Variants in CABYR observed in about 807,000 individuals in gnomAD.
CABYR encodes the protein calcium binding tyrosine phosphorylation regulated, also known as calcium-binding tyrosine phosphorylation-regulated protein.
In CABYR, 31 loss-of-function variants were observed where a neutral mutation model predicts 36.1. The ratio of observed to expected loss-of-function variants is 0.86; its 90% confidence interval spans 0.64 to 1.16. The LOEUF is 1.16. Ranked by LOEUF, CABYR falls within the 50% of genes most tolerant of loss-of-function variation. The probability of loss-of-function intolerance (pLI) is 0.00; values close to 1 mark genes in which losing one functional copy is unlikely to be tolerated. For synonymous variants in CABYR, 146 were observed against 160.7 expected, an observed-to-expected ratio of 0.91 and a Z score of 0.69; for missense variants, 429 against 455.8, an observed-to-expected ratio of 0.94 and a Z score of 0.53.
intron 1 of CABYR, among the ~76,000 whole-genome samples, chr18:24,142,850 G>T (rs1237456294): frequency 6.6e-6 from 1 of 151,828 alleles, no homozygotes; most frequent in Admixed American, 6.6e-5. Flanking sequence ...GGCTAACACG[G>T]TGAAACCCTG....
At chr18:24,156,488 A>T in intron 4 of CABYR, 1 of 1,613,804 alleles carries the variant, frequency 6.2e-7, no homozygotes, top group Middle Eastern at 1.7e-4. Context: ...GTCTTAAAGA[A>T]AATGAGCAGT....
At position 24,156,228 on chromosome 18, in the gene CABYR, G is replaced by A; in HGVS notation, c.541+186G>A. On this transcript the variant is annotated intron_variant, in intron 4 of 5. Transcript: ENST00000399496. ...GGTTGTGAACCAAACATCTGTCCAT[G>A]TAGATTTGGGTTCTCAACCTAAAGA... The A allele has an allele frequency of 6.2e-7, 1 of 1,614,124 alleles. No homozygotes were observed. The highest frequency in any genetic ancestry group is 8.5e-7 in the Non-Finnish European group (1 of 1,179,996).
intron 3 of CABYR, among the ~76,000 whole-genome samples, chr18:24,151,766 T>C (rs1159155363): frequency 6.7e-6 from 1 of 149,144 alleles, no homozygotes; most frequent in African/African-American, 2.5e-5. Context: ...CTCAGCTCAC[T>C]GCAACCTCTA....
intron 3 of CABYR, among the ~76,000 whole-genome samples, chr18:24,149,877 C>G (rs1220788003): frequency 6.6e-6 from 1 of 152,236 alleles, no homozygotes; most frequent in Non-Finnish European, 1.5e-5. Context: ...CATGCCCACT[C>G]GGAACTCCAG....
chr18:24,156,128 G>A (rs1175127512), intron 4 of CABYR, 86 bp downstream of exon 4: 2 of 1,614,078 alleles, frequency 1.2e-6, no homozygotes, highest in Admixed American at 1.7e-5. Context: ...TCAAGGAGGT[G>A]CCAAGCTCAG....
At chr18:24,161,093 G>C (rs888075524) in intron 5 of CABYR, among the ~76,000 whole-genome samples, 1 of 152,186 alleles carries the variant, frequency 6.6e-6, no homozygotes, top group African/African-American at 2.4e-5. Context: ...TAGCAGTAAG[G>C]GGGAGGTCAA....
At chr18:24,158,504 G>A (rs1442809834) in intron 4 of CABYR, among the ~76,000 whole-genome samples, 1 of 152,024 alleles carries the variant, frequency 6.6e-6, no homozygotes, top group Non-Finnish European at 1.5e-5. Context: ...TTTTAGTAGA[G>A]ATGGAGTTTC....
rs866105933 is a variant in CABYR at position 24,142,849 on chromosome 18, G to A, written c.-24-242G>A. Among the ~76,000 whole-genome samples, 5 of 151,842 alleles carry A rather than the reference G, an allele frequency of 3.3e-5. No individual in the cohort carries two copies. The South Asian group carries it at 6.2e-4, about 19-fold the overall frequency. The stretch of plus-strand genomic sequence containing the variant: ...AGATCGAGACCATCCTGGCTAACAC[G>A]GTGAAACCCTGGCTCTACTAAAAAA... On this transcript the variant is annotated intron_variant, in intron 1 of 5. Transcript: ENST00000399496.
chr18:24,149,331 T>A (rs977773625), intron 3 of CABYR, among the ~76,000 whole-genome samples: 2 of 151,960 alleles, frequency 1.3e-5, no homozygotes, highest in African/African-American at 4.8e-5. Context: ...AGAGTGTTGA[T>A]TGGTGCATTC....
At chr18:24,139,783 C>T (rs1568454236) in intron 1 of CABYR, 1 of 152,214 alleles carries the variant, frequency 6.6e-6, no homozygotes, top group South Asian at 2.1e-4. Context: ...TGGCCCCACA[C>T]GTTCCCAAAG....
chr18:24,144,464 A>G (rs2085409678), intron 3 of CABYR, among the ~76,000 whole-genome samples: 1 of 152,232 alleles, frequency 6.6e-6, no homozygotes, highest in Non-Finnish European at 1.5e-5. Context: ...CAGCGATGTC[A>G]GAGACCAACA....
At chr18:24,149,397 A>G (rs999177414) in intron 3 of CABYR, among the ~76,000 whole-genome samples, 2 of 152,100 alleles carry the variant, frequency 1.3e-5, no homozygotes, top group African/African-American at 4.8e-5. Flanking sequence ...CTTGAGCTAG[A>G]TAGAGAGTGC....
intron 3 of CABYR, among the ~76,000 whole-genome samples, chr18:24,150,342 C>G (rs1302036692): frequency 6.6e-6 from 1 of 152,186 alleles, no homozygotes; most frequent in Non-Finnish European, 1.5e-5. Context: ...TTTTGCTTTC[C>G]ACCTCCTACA....
Position 24,156,522 on chromosome 18 carries a change from C to T in CABYR, c.541+480C>T, listed in dbSNP as rs35554127. ...GTCAAAAGAAAATGAGCAGTCACCA[C>T]GAGTTAGTCCCAAATCTGTAGTAGA... On this transcript the variant is annotated intron_variant, in intron 4 of 5. Coordinates refer to ENST00000399496, the MANE Select transcript of CABYR (RefSeq NM_153769.3). 3,837 of 1,614,048 alleles carry T rather than the reference C, an allele frequency of 2.4e-3. 82 individuals are homozygous for T. In the African/African-American group the frequency reaches 0.046, roughly 19 times the overall value.
Position 24,159,578 on chromosome 18 carries a change from A to G in CABYR, c.648A>G (p.Ala216=), listed in dbSNP as rs886697708. 1.9e-6 allele frequency: 3 copies of G among 1,614,090 alleles called. No homozygotes were observed. The highest frequency in any genetic ancestry group is 1.3e-5 in the African/African-American group (1 of 75,002). The stretch of plus-strand genomic sequence containing the variant: ...AAGGTCACCCATCACCGCCACCTGC[A>G]CCTGGGCCTTTTCCCCAAGCAACCC... ...NQQGHPSPPP[A]PGPFPQATLY... The change falls in exon 5 of 6, where the codon GCA becomes GCG. Residue 216 remains alanine, a synonymous_variant. Coordinates refer to ENST00000399496, the MANE Select transcript of CABYR (RefSeq NM_153769.3).
Position 24,156,586 on chromosome 18 carries a change from C to T in CABYR, c.541+544C>T, listed in dbSNP as rs1485848126. 1 of 1,614,060 alleles carries T rather than the reference C, an allele frequency of 6.2e-7. No homozygotes were observed. The highest frequency in any genetic ancestry group is 1.3e-5 in the African/African-American group (1 of 74,916). ...GGCATGTCTAAAAAATCTGTAGAGT[C>T]TGTAAAACTTGCACAGTTGGAGGAG... On this transcript the variant is annotated intron_variant, in intron 4 of 5. Transcript: ENST00000399496.
chr18:24,157,064 A>C, intron 4 of CABYR: 5 of 1,247,364 alleles, frequency 4.0e-6, no homozygotes, highest in Non-Finnish European at 5.7e-6. Flanking sequence ...TCAGGTAGCC[A>C]TCTCTGTCGG....
Position 24,156,053 on chromosome 18 carries a change from A to G in CABYR, c.541+11A>G. 1 of 1,614,176 alleles carries G rather than the reference A, an allele frequency of 6.2e-7. No individual in the cohort carries two copies. Among genetic ancestry groups the G allele is most frequent in the Non-Finnish European group, 8.5e-7 (1 of 1,180,036 alleles). On this transcript the variant is annotated intron_variant, in intron 4 of 5. Coordinates refer to ENST00000399496, the MANE Select transcript of CABYR (RefSeq NM_153769.3). ...CTGCTCAGATGTTAGGTAAAGTTTC[A>G]TCTATTCATTCTGATCAATCTGATG...
chr18:24,155,160 G>C (rs573031454), intron 3 of CABYR, among the ~76,000 whole-genome samples: 21 of 152,062 alleles, frequency 1.4e-4, no homozygotes, highest in Admixed American at 3.3e-4. Flanking sequence ...GCCCAAGTTG[G>C]TCTCCCCCCC....
Sources: allele counts gnomAD v4.1 joint callset (sites outside exome capture counted in the v4.1 genomes callset), GRCh38; gene constraint gnomAD v4.1.1; transcripts MANE v1.5; gene names NCBI Gene and HGNC (gene_info 2026-07-23, HGNC 2026-07-21).